Variants in RADIL observed in about 807,000 individuals in gnomAD.
RADIL encodes the protein ras-associating and dilute domain-containing protein.
In RADIL, 99 loss-of-function variants were observed where a neutral mutation model predicts 97.6. The ratio of observed to expected loss-of-function variants is 1.01; its 90% CI spans 0.86 to 1.20. The LOEUF is 1.20. RADIL is among the 50% of genes most tolerant of loss of function. The pLI is 0.00. For missense variants in RADIL, 1,765 were observed against 1,498.9 expected (o/e 1.18, Z -2.93); for synonymous variants, 803 against 691.8 (o/e 1.16, Z -2.52).
chr7:4,845,354 G>C (rs1783542299), intron 2 of RADIL, among the ~76,000 whole-genome samples: 1 of 152,158 alleles, frequency 6.6e-6, no homozygotes, highest in Admixed American at 6.5e-5. Flanking sequence ...GGAGATGGAG[G>C]CTGCAGTGAG....
intron 9 of RADIL, among the ~76,000 whole-genome samples, chr7:4,812,533 T>A (rs548355366): frequency 2.0e-5 from 3 of 152,192 alleles, no homozygotes; most frequent in Non-Finnish European, 2.9e-5. Context: ...GGGATTCTCC[T>A]GCCTCAGCCT....
chr7:4,811,406 G>A (rs971369563), intron 9 of RADIL: 8 of 151,074 alleles, frequency 5.3e-5, no homozygotes, highest in African/African-American at 1.9e-4. Flanking sequence ...AGGTATTACT[G>A]GTGTTTTAAA....
At position 4,835,030 on chromosome 7, in the gene RADIL, C is replaced by G; in HGVS notation, c.993G>C (p.Glu331Asp). 6.2e-7 allele frequency: 1 copy of G among 1,610,862 alleles called. No homozygotes were observed. Among genetic ancestry groups the G allele is most frequent in the Non-Finnish European group, 8.5e-7 (1 of 1,179,042 alleles). ...GCAGCACCACGGTCCTGTGCCCCAC[C>G]TCGGAGAAGTTGACGGAGATGTGCG... ...PGAHISVNFSEVGHRTVVLHH... is the reference protein window; with the variant it reads ...PGAHISVNFSDVGHRTVVLHH... The change falls in exon 4 of 15, where the codon GAG becomes GAC. Residue 331 changes from glutamate (E) to aspartate (D), a missense_variant. Physicochemically the swap from Glu to Asp is conservative, Grantham distance 45. Transcript: ENST00000399583. The surrounding 1 kb of genome is among the most constrained non-coding windows in gnomAD (Gnocchi z 5.8).
At chr7:4,861,891 G>A in intron 2 of RADIL, 1 of 608,710 alleles carries the variant, frequency 1.6e-6, no homozygotes, top group East Asian at 4.8e-5. Flanking sequence ...ATCCGCTGAG[G>A]CGGAAGGGCA....
In RADIL at chr7:4,837,759, A is replaced by T; in HGVS notation, c.536-1154T>A. 1.2e-6 allele frequency: 1 copy of T among 862,704 alleles called. No individual in the cohort carries two copies. Among genetic ancestry groups the T allele is most frequent in the Non-Finnish European group, 1.4e-6 (1 of 718,478 alleles). 53.4% of individuals were successfully genotyped at this position (862,704 alleles called of 1,614,324 possible). A position where few individuals can be genotyped will look rare whatever the true frequency, so the allele number is the denominator to read the frequency against. ...CCCTTAGAAGACTTAATATCTCATA[A>T]ATACAGACACGCTCTCTAAATGCAT... On this transcript the variant is annotated intron_variant, in intron 2 of 14. Coordinates refer to ENST00000399583, the MANE Select transcript of RADIL (RefSeq NM_018059.5). The surrounding 1 kb of genome is among the most constrained non-coding windows in gnomAD (Gnocchi z 5.6).
chr7:4,865,836 AC>A (rs1784119513), intron 2 of RADIL: 1 of 720,124 alleles, frequency 1.4e-6, no homozygotes, highest in Admixed American at 1.9e-5. Context: ...AGGTGAGTGA[AC>A]CCCTTTTCTG....
At chr7:4,874,164 C>T (rs1017417830) in intron 2 of RADIL, among the ~76,000 whole-genome samples, 1 of 152,248 alleles carries the variant, frequency 6.6e-6, no homozygotes. Context: ...GCAGGTGTCT[C>T]ACGCAGGGAA....
At chr7:4,830,007 G>A (rs1431803749) in intron 5 of RADIL, among the ~76,000 whole-genome samples, 1 of 152,152 alleles carries the variant, frequency 6.6e-6, no homozygotes, top group Admixed American at 6.5e-5. Flanking sequence ...CACTCAGCCT[G>A]AGCCCCCCAG....
intron 2 of RADIL, among the ~76,000 whole-genome samples, chr7:4,841,736 A>C (rs1023531948): frequency 6.6e-6 from 1 of 152,204 alleles, no homozygotes; most frequent in African/African-American, 2.4e-5. Context: ...ATGGGGTCCC[A>C]GCCTCAGAAG....
At chr7:4,862,919 A>T (rs1583318380) in intron 2 of RADIL, among the ~76,000 whole-genome samples, 1 of 151,902 alleles carries the variant, frequency 6.6e-6, no homozygotes. Flanking sequence ...TAAAATTAAA[A>T]ATAAAAATAA....
At position 4,840,029 on chromosome 7, in the gene RADIL, G is replaced by A. The variant is rs1482721238; in HGVS notation, c.536-3424C>T. Among the ~76,000 whole-genome samples the A allele has an allele frequency of 2.0e-5, 3 of 152,198 alleles. No individual in the cohort carries two copies. Among genetic ancestry groups the A allele is most frequent in the African/African-American group, 7.2e-5 (3 of 41,444 alleles). The stretch of plus-strand genomic sequence containing the variant: ...CTCCCAAAGTGTTGGAATTACAGGC[G>A]TGAGCCACCGCGCCCAGCATAAACA... On this transcript the variant is annotated intron_variant, in intron 2 of 14. Coordinates refer to ENST00000399583, the MANE Select transcript of RADIL (RefSeq NM_018059.5). The surrounding 1 kb of genome is among the most constrained non-coding windows in gnomAD (Gnocchi z 5.6).
chr7:4,829,320 C>G (rs893061311), intron 5 of RADIL, among the ~76,000 whole-genome samples: 2 of 152,174 alleles, frequency 1.3e-5, no homozygotes, highest in African/African-American at 4.8e-5. Flanking sequence ...GGACCCACCC[C>G]CAGTGCATGG....
In RADIL at chr7:4,815,203, G is replaced by A. The variant is rs921189882; in HGVS notation, c.2139+75C>T. The A allele has an allele frequency of 4.2e-6, 6 of 1,430,536 alleles. No individual in the cohort carries two copies. Among genetic ancestry groups the A allele is most frequent in the South Asian group, 1.4e-5 (1 of 69,604 alleles). 88.6% of individuals were successfully genotyped at this position (1,430,536 alleles called of 1,614,324 possible). On this transcript the variant is annotated intron_variant, in intron 9 of 14. Transcript: ENST00000399583. This position sits in a 1 kb window ranked among gnomAD's most constrained non-coding sequence, Gnocchi z 8.0. Reference sequence around the variant, plus strand: ...AAGCCCCGTCCCGGCCCCCAGGCTTGGTTTGTGAGCCAGGGACCCACAGCA... The same window carrying A: ...AAGCCCCGTCCCGGCCCCCAGGCTTAGTTTGTGAGCCAGGGACCCACAGCA...
Position 4,834,803 on chromosome 7 carries a change from A to G in RADIL, c.1220T>C (p.Leu407Pro), listed in dbSNP as rs1404486314. 13 of 1,337,216 alleles carry G rather than the reference A, an allele frequency of 9.7e-6. No individual in the cohort carries two copies. Among genetic ancestry groups the G allele is most frequent in the Non-Finnish European group, 1.3e-5 (13 of 1,039,550 alleles). 82.8% of individuals were successfully genotyped at this position (1,337,216 alleles called of 1,614,324 possible). A position where few individuals can be genotyped will look rare whatever the true frequency, so the allele number is the denominator to read the frequency against. The change falls in exon 4 of 15, where the codon CTG becomes CCG. Residue 407 changes from leucine (L) to proline (P), a missense_variant. Leu to Pro is a moderately conservative substitution (Grantham distance 98). Coordinates refer to ENST00000399583, the MANE Select transcript of RADIL (RefSeq NM_018059.5). This position sits in a 1 kb window ranked among gnomAD's most constrained non-coding sequence, Gnocchi z 6.0. ...GTCCTCCAGGTGGGGCTCAAACTCC[A>G]GGAGCAGCTGCTGGCGCCGGGGCAG... ...AALPRRQQLLLEFEPHLEDTL... is the reference protein window; with the variant it reads ...AALPRRQQLLPEFEPHLEDTL...
intron 2 of RADIL, among the ~76,000 whole-genome samples, chr7:4,875,567 C>T (rs1002434598): frequency 2.0e-5 from 3 of 152,192 alleles, no homozygotes; most frequent in East Asian, 1.9e-4. Flanking sequence ...ACAGGCCAGG[C>T]TGATCCCCAG....
intron 5 of RADIL, among the ~76,000 whole-genome samples, chr7:4,827,535 C>T (rs1052392571): frequency 2.0e-5 from 3 of 152,004 alleles, no homozygotes; most frequent in Non-Finnish European, 2.9e-5. Flanking sequence ...GTTGCAGGCG[C>T]CTGTAGTCCC....
intron 1 of RADIL, among the ~76,000 whole-genome samples, chr7:4,881,091 C>A (rs554231561): frequency 1.9e-3 from 188 of 100,748 alleles, no homozygotes; most frequent in African/African-American, 6.5e-3. Flanking sequence ...TGGAGTGAGA[C>A]CCTCTCTGTT....
At position 4,877,967 on chromosome 7, in the gene RADIL, T is replaced by C; in HGVS notation, c.173A>G (p.Gln58Arg). ...ASDDPAELST[Q>R]LSAPGVLKVF... ...CTTCAGGACACCAGGGGCCGACAGC[T>C]GGGTGGAGAGCTCGGCGGGGTCATC... The change falls in exon 2 of 15, where the codon CAG (glutamine) becomes CGG (arginine). Residue 58 changes from glutamine to arginine, a missense_variant. Physicochemically the swap from Gln to Arg is conservative, Grantham distance 43 (BLOSUM62 1). Transcript: ENST00000399583. The C allele has an allele frequency of 6.2e-7, 1 of 1,611,644 alleles. No homozygotes were observed. Among genetic ancestry groups the C allele is most frequent in the Non-Finnish European group, 8.5e-7 (1 of 1,179,942 alleles).
rs1194764444 is a variant in RADIL, at chr7:4,799,094, A to G, written c.*284T>C. On this transcript the variant is annotated 3_prime_UTR_variant, in exon 15 of 15. Coordinates refer to ENST00000399583, the MANE Select transcript of RADIL (RefSeq NM_018059.5). The stretch of plus-strand genomic sequence containing the variant: ...CTGCTGCCCGAGTTGAGACCCCAGC[A>G]GGGCACCCTCTAAGAACGGGAAAAA... 2.5e-6 allele frequency: 1 copy of G among 407,354 alleles called. No individual in the cohort carries two copies. The highest frequency in any genetic ancestry group is 2.0e-5 in the African/African-American group (1 of 48,920). The allele number at this position is 407,354 out of a possible 1,614,324, so 25.2% of individuals were successfully genotyped here.
Sources: gnomAD v4.1 joint callset for allele counts (sites outside exome capture counted in the v4.1 genomes callset) on GRCh38, gnomAD v4.1.1 for gene constraint, Gnocchi (gnomAD v3.1) non-coding constraint, MANE v1.5 for transcripts, NCBI Gene and HGNC (gene_info 2026-07-23, HGNC 2026-07-21) for gene names.